Variants in DMD observed in about 807,000 individuals in gnomAD.
DMD encodes dystrophin.
DMD carries 63 observed loss-of-function variants against 330.1 expected under a neutral mutation model. That is an observed-to-expected ratio of 0.19 (90% CI 0.16 to 0.24). The LOEUF (loss-of-function observed/expected upper bound fraction) is 0.24, where lower values mean the gene tolerates loss of function less well. Among genes scored for constraint, DMD ranks in the 10% least tolerant of loss-of-function variants. The pLI, the probability that DMD is intolerant of heterozygous loss-of-function variation, is 1.00. For synonymous variants in DMD, 1,223 were observed against 959.8 expected, an observed-to-expected ratio of 1.27 and a Z score of -5.07; for missense variants, 3,344 against 2,684.1, an observed-to-expected ratio of 1.25 and a Z score of -5.43.
At chrX:33,085,716 A>G (rs1285186639) in intron 1 of DMD, among the ~76,000 whole-genome samples, 1 of 111,582 alleles carries the variant, frequency 9.0e-6, no homozygotes, top group East Asian at 2.8e-4. Flanking sequence ...TATCTTACCA[A>G]TAGGCTGTCA....
intron 1 of DMD, among the ~76,000 whole-genome samples, chrX:33,097,687 C>T (rs1423753852): frequency 1.1e-5 from 1 of 90,918 alleles, no homozygotes; most frequent in African/African-American, 4.2e-5. Flanking sequence ...GTGATCTGGG[C>T]TCACTGCAAC....
intron 22 of DMD, among the ~76,000 whole-genome samples, chrX:32,471,405 TCATTA>T (rs1425719951): frequency 2.7e-5 from 3 of 112,368 alleles, no homozygotes; most frequent in Non-Finnish European, 5.6e-5. Context: ...TTCAAATGTC[TCATTA>T]CATTACAGAA....
chrX:32,014,292 G>T (rs750406522), intron 44 of DMD, among the ~76,000 whole-genome samples: 2 of 105,424 alleles, frequency 1.9e-5, no homozygotes, highest in Admixed American at 2.0e-4. Flanking sequence ...CTTCACACAG[G>T]CCTTTTTCCC....
At chrX:31,280,707 G>C (rs922705799) in intron 62 of DMD, among the ~76,000 whole-genome samples, 8 of 112,262 alleles carry the variant, frequency 7.1e-5, no homozygotes, top group African/African-American at 2.6e-4. Context: ...GCATCACACA[G>C]GATGTTTACA....
chrX:31,219,486 C>T (rs1417795467), intron 64 of DMD, among the ~76,000 whole-genome samples: 1 of 110,982 alleles, frequency 9.0e-6, no homozygotes, highest in Non-Finnish European at 1.9e-5. Flanking sequence ...ACTCTCCACT[C>T]CATACAAAAA....
intron 52 of DMD, among the ~76,000 whole-genome samples, chrX:31,721,688 CTCTCTCTCTCTCTCTCTCTCTCT>C (rs2085519708): frequency 2.0e-5 from 1 of 49,889 alleles, no homozygotes; most frequent in African/African-American, 9.6e-5. Context: ...CTCTCTCACT[CTCTCTCTCTCTCTCTCTCTCTCT>C]CTCTCTCTAT....
intron 1 of DMD, among the ~76,000 whole-genome samples, chrX:33,187,676 C>T (rs755075530): frequency 1.7e-4 from 19 of 111,762 alleles, no homozygotes; most frequent in Non-Finnish European, 3.0e-4. Context: ...GGACCAGTAA[C>T]GAAGAGCTTT....
rs918897216 is a variant in DMD, at chrX:32,009,464, A to T, written c.6439-40950T>A. 1.2e-4 allele frequency among the ~76,000 whole-genome samples: 13 copies of T among 112,318 alleles called. No individual in the cohort carries two copies. The East Asian group carries it at 3.6e-3, about 31-fold the overall frequency. ...TTAGTAGACATAAATAATTTTTAAA[A>T]TCCTTCACGATTGAATTGAAGTAAT... On this transcript the variant is annotated intron_variant, in intron 44 of 78. Coordinates refer to ENST00000357033, the MANE Select transcript of DMD (RefSeq NM_004006.3).
rs188220284 is a variant in DMD, at chrX:31,944,487, T to C, written c.6615-12260A>G. Reference sequence around the variant, plus strand: ...TATTTTGAACAATTACCACTTTTTTTTTTTTTTTTGAGACGGAGTCTCACT... The same window carrying C: ...TATTTTGAACAATTACCACTTTTTTCTTTTTTTTTGAGACGGAGTCTCACT... On this transcript the variant is annotated intron_variant, in intron 45 of 78. Coordinates refer to ENST00000357033, the MANE Select transcript of DMD (RefSeq NM_004006.3). 3.2e-3 allele frequency among the ~76,000 whole-genome samples: 351 copies of C among 108,170 alleles called. 3 individuals are homozygous for C. Among genetic ancestry groups the C allele is most frequent in the African/African-American group, 0.01 (303 of 29,376 alleles). 93.9% of individuals were successfully genotyped at this position (108,170 alleles called of 115,157 possible).
chrX:33,097,004 A>C (rs2095175260), intron 1 of DMD, among the ~76,000 whole-genome samples: 1 of 111,969 alleles, frequency 8.9e-6, no homozygotes, highest in Admixed American at 9.6e-5. Context: ...TTACCAGCAG[A>C]ATCAAAATTA....
intron 13 of DMD, among the ~76,000 whole-genome samples, chrX:32,589,913 A>G (rs1174209349): frequency 9.0e-6 from 1 of 111,537 alleles, no homozygotes; most frequent in Admixed American, 9.6e-5. Context: ...ATCAGATACT[A>G]GAAAGGAATA....
chrX:32,981,707 A>G (rs2092711599), intron 2 of DMD, among the ~76,000 whole-genome samples: 1 of 111,651 alleles, frequency 9.0e-6, no homozygotes, highest in African/African-American at 3.3e-5. Context: ...ACTAAGAGCT[A>G]TAAAATGTGA....
At chrX:31,685,370 A>ACT (rs1217250250) in intron 52 of DMD, among the ~76,000 whole-genome samples, 2 of 111,206 alleles carry the variant, frequency 1.8e-5, no homozygotes, top group African/African-American at 6.5e-5. Flanking sequence ...AAATAATTCT[A>ACT]CTCTTTTTCC....
At chrX:33,031,825 C>A (rs2094120218) in intron 1 of DMD, among the ~76,000 whole-genome samples, 1 of 110,943 alleles carries the variant, frequency 9.0e-6, no homozygotes, top group Non-Finnish European at 1.9e-5. Context: ...ATAAGCCACA[C>A]CAAACCCAAG....
At chrX:33,190,228 G>A (rs1457107692) in intron 1 of DMD, among the ~76,000 whole-genome samples, 1 of 107,121 alleles carries the variant, frequency 9.3e-6, no homozygotes, top group Non-Finnish European at 1.9e-5. Flanking sequence ...ACCCAGCCTA[G>A]GACAGGATTT....
At chrX:32,313,916 A>T (rs1313501689) in intron 41 of DMD, among the ~76,000 whole-genome samples, 1 of 111,693 alleles carries the variant, frequency 9.0e-6, no homozygotes, top group Non-Finnish European at 1.9e-5. Flanking sequence ...ACAAATGGAA[A>T]AACATTCCAT....
chrX:31,838,754 A>G (rs2093257671), intron 48 of DMD, among the ~76,000 whole-genome samples: 1 of 111,500 alleles, frequency 9.0e-6, no homozygotes, highest in South Asian at 3.8e-4. Context: ...CAGATAAGAA[A>G]ATGAAGCAAG....
intron 1 of DMD, among the ~76,000 whole-genome samples, chrX:33,306,899 C>T (rs1052346379): frequency 1.8e-5 from 2 of 111,656 alleles, no homozygotes; most frequent in Non-Finnish European, 3.8e-5. Flanking sequence ...TGTTTATCCC[C>T]ACCCTGACTA....
chrX:32,597,778 G>A (rs1049066026), intron 12 of DMD, among the ~76,000 whole-genome samples: 11 of 111,948 alleles, frequency 9.8e-5, no homozygotes, highest in Non-Finnish European at 1.9e-4. Context: ...ACCAAGGTAT[G>A]TTGCCTGGGT....
Sources: allele counts gnomAD v4.1 joint callset (sites outside exome capture counted in the v4.1 genomes callset), GRCh38; gene constraint gnomAD v4.1.1; transcripts MANE v1.5; gene names NCBI Gene and HGNC (gene_info 2026-07-23, HGNC 2026-07-21).